MTREX: variants seen among roughly 807,000 people sequenced by gnomAD.
MTREX encodes the protein exosome RNA helicase MTR4.
In MTREX, 76 loss-of-function variants were observed where a neutral mutation model predicts 135.4. That is an observed-to-expected ratio of 0.56 (90% CI 0.47 to 0.68). The LOEUF is 0.68. Among genes scored for constraint, MTREX ranks in the 30% least tolerant of loss-of-function variants. The pLI is 0.00. For synonymous variants in MTREX, 404 were observed against 401.6 expected (o/e 1.01, Z -0.07); for missense variants, 920 against 1,262.1 (o/e 0.73, Z 4.11).
chr5:55,330,976 A>C (rs1258667582), intron 5 of MTREX, among the ~76,000 whole-genome samples: 1 of 151,886 alleles, frequency 6.6e-6, no homozygotes, highest in African/African-American at 2.4e-5. Context: ...ATCTGCTTTT[A>C]ATACTAGCCA....
intron 25 of MTREX, among the ~76,000 whole-genome samples, chr5:55,418,956 A>G (rs897183806): frequency 6.6e-6 from 1 of 151,924 alleles, no homozygotes; most frequent in Non-Finnish European, 1.5e-5. Context: ...TGATCCTTCC[A>G]CCTCAGCCTC....
intron 5 of MTREX, among the ~76,000 whole-genome samples, chr5:55,339,155 G>A (rs1054183517): frequency 6.6e-6 from 1 of 151,998 alleles, no homozygotes; most frequent in African/African-American, 2.4e-5. Context: ...GAGACAGTCA[G>A]TTTCTTGTGA....
intron 26 of MTREX, chr5:55,423,775 G>A (rs1751096012): frequency 6.6e-6 from 1 of 152,190 alleles, no homozygotes; most frequent in African/African-American, 2.4e-5. Context: ...ACTGACTCTT[G>A]ACCAAGAAAA....
At chr5:55,343,605 T>C in intron 8 of MTREX, 150 bp downstream of exon 8, 2 of 684,008 alleles carry the variant, frequency 2.9e-6, no homozygotes, top group Non-Finnish European at 4.7e-6. Context: ...AAGCAGCTTA[T>C]CAAAATCAAC....
chr5:55,376,638 C>T (rs752607834), intron 16 of MTREX, among the ~76,000 whole-genome samples: 3 of 152,226 alleles, frequency 2.0e-5, no homozygotes, highest in Non-Finnish European at 2.9e-5. Flanking sequence ...ATAACCTTAT[C>T]ACATCTAAAT....
chr5:55,424,890 TAAATCAA>T lies in MTREX; in HGVS notation c.*120_*126del. 1 of 704,244 alleles carries T rather than the reference TAAATCAA, an allele frequency of 1.4e-6. No individual in the cohort carries two copies. The highest frequency in any genetic ancestry group is 2.4e-6 in the Non-Finnish European group (1 of 414,584). 43.6% of individuals were successfully genotyped at this position (704,244 alleles called of 1,614,324 possible). On this transcript the variant is annotated 3_prime_UTR_variant, in exon 27 of 27. Transcript: ENST00000230640. ...CATACATTTTAATATGTATTATATT[TAAATCAA>T]ACATCATTCATAGAAAGCATATTAC...
At chr5:55,320,168 A>C (rs936541531) in intron 1 of MTREX, among the ~76,000 whole-genome samples, 2 of 152,140 alleles carry the variant, frequency 1.3e-5, no homozygotes, top group African/African-American at 4.8e-5. Context: ...TCATTATGGA[A>C]AGGTTGTTCA....
intron 18 of MTREX, among the ~76,000 whole-genome samples, chr5:55,387,058 G>A (rs187356086): frequency 1.9e-3 from 296 of 152,190 alleles, no homozygotes; most frequent in Non-Finnish European, 2.9e-3. Flanking sequence ...ACTAAGGAAT[G>A]TTTTGCAGCT....
intron 19 of MTREX, among the ~76,000 whole-genome samples, chr5:55,396,219 A>G (rs1221324418): frequency 6.6e-6 from 1 of 152,178 alleles, no homozygotes; most frequent in Non-Finnish European, 1.5e-5. Flanking sequence ...TAGATTAAAG[A>G]AGACTAAGGA....
chr5:55,399,445 T>G (rs942315149), intron 20 of MTREX, among the ~76,000 whole-genome samples: 3 of 152,194 alleles, frequency 2.0e-5, no homozygotes, highest in Non-Finnish European at 4.4e-5. Context: ...TAACCATTAA[T>G]CATGTTTTTC....
At position 55,425,026 on chromosome 5, in the gene MTREX, A is replaced by G; in HGVS notation, c.*254A>G. On this transcript the variant is annotated 3_prime_UTR_variant, in exon 27 of 27. Transcript: ENST00000230640. ...GAGTTTTTTTAATGAGTTTAGAGCTATTAGATAACCACTGAGTTAAAGGTA... is the reference window on the plus strand; with the variant it reads ...GAGTTTTTTTAATGAGTTTAGAGCTGTTAGATAACCACTGAGTTAAAGGTA... 1.2e-6 allele frequency: 1 copy of G among 841,624 alleles called. No individual in the cohort carries two copies. Among genetic ancestry groups the G allele is most frequent in the Middle Eastern group, 3.6e-4 (1 of 2,778 alleles). The allele number at this position is 841,624 out of a possible 1,614,324, so 52.1% of individuals were successfully genotyped here.
chr5:55,329,190 T>C (rs1239126749), intron 5 of MTREX, among the ~76,000 whole-genome samples: 1 of 151,398 alleles, frequency 6.6e-6, no homozygotes, highest in African/African-American at 2.4e-5. Flanking sequence ...CAAGTGCTTT[T>C]TTTGCATCTA....
chr5:55,329,953 C>T (rs957531392), intron 5 of MTREX, among the ~76,000 whole-genome samples: 1 of 151,916 alleles, frequency 6.6e-6, no homozygotes, highest in African/African-American at 2.4e-5. Flanking sequence ...CTCACTGATA[C>T]TATATTCATT....
chr5:55,410,337 TG>T (rs1342863047), intron 22 of MTREX, among the ~76,000 whole-genome samples, 186 bp from the exon 23 acceptor site: 1 of 152,132 alleles, frequency 6.6e-6, no homozygotes, highest in Non-Finnish European at 1.5e-5. Context: ...CATTTTACAT[TG>T]ATTATATAAT....
chr5:55,379,140 G>T lies in MTREX; in HGVS notation c.1997G>T (p.Gly666Val). 6.2e-7 allele frequency: 1 copy of T among 1,609,106 alleles called. No homozygotes were observed. The part of the protein sequence containing the change: ...PGRLVKVKNE[G>V]DDFGWGVVVN... ...CTTTCTTTTTAGGTAAAGAATGAAG[G>T]AGATGACTTTGGCTGGGGAGTAGTG... The change falls in exon 18 of 27, where the codon GGA (glycine) becomes GTA (valine). Residue 666 changes from glycine (G) to valine (V), a missense_variant. Gly to Val is a moderately radical substitution (Grantham distance 109). Coordinates refer to ENST00000230640, the MANE Select transcript of MTREX (RefSeq NM_015360.5).
chr5:55,367,860 G>A (rs1750129676), intron 16 of MTREX, among the ~76,000 whole-genome samples: 1 of 152,182 alleles, frequency 6.6e-6, no homozygotes, highest in South Asian at 2.1e-4. Context: ...AAAATATTGT[G>A]CGTAGTCATC....
chr5:55,346,834 AT>A (rs1212827474), intron 10 of MTREX, among the ~76,000 whole-genome samples, 178 bp from the exon 11 acceptor site: 3 of 152,002 alleles, frequency 2.0e-5, no homozygotes, highest in Non-Finnish European at 4.4e-5. Context: ...CAGTTCATGC[AT>A]TTTTTTCCTT....
chr5:55,308,938 C>T (rs1749042952), intron 1 of MTREX, among the ~76,000 whole-genome samples: 2 of 152,116 alleles, frequency 1.3e-5, no homozygotes, highest in South Asian at 4.1e-4. Flanking sequence ...CATGATTTTG[C>T]TCTCAAGGAA....
chr5:55,345,311 T>C, intron 10 of MTREX, 115 bp downstream of exon 10: 1 of 677,338 alleles, frequency 1.5e-6, no homozygotes, highest in East Asian at 2.8e-5. Flanking sequence ...CTAGACGATA[T>C]GTGATAAAAT....
Sources: gnomAD v4.1 joint callset for allele counts (sites outside exome capture counted in the v4.1 genomes callset) on GRCh38, gnomAD v4.1.1 for gene constraint, MANE v1.5 for transcripts, NCBI Gene and HGNC (gene_info 2026-07-23, HGNC 2026-07-21) for gene names.